Variants in SGCZ observed in about 807,000 individuals in gnomAD.
The protein encoded by SGCZ is zeta-sarcoglycan.
SGCZ carries 40 observed loss-of-function variants against 41.3 expected under a neutral mutation model. The ratio of observed to expected loss-of-function variants is 0.97; its 90% CI spans 0.75 to 1.26. The LOEUF is 1.26. Ranked by LOEUF, SGCZ falls within the 50% of genes most tolerant of loss-of-function variation. The pLI is 0.00. For synonymous variants in SGCZ, 206 were observed against 137.5 expected, an observed-to-expected ratio of 1.50 and a Z score of -3.49; for missense variants, 552 against 369.8, an observed-to-expected ratio of 1.49 and a Z score of -4.04.
intron 4 of SGCZ, among the ~76,000 whole-genome samples, chr8:14,182,250 CT>C (rs1232200820): frequency 6.6e-6 from 1 of 152,182 alleles, no homozygotes; most frequent in Non-Finnish European, 1.5e-5. Flanking sequence ...CATATGTCCA[CT>C]GATTGAACCC....
rs978210219 is a variant in SGCZ at position 14,644,499 on chromosome 8, T to A, written c.40-89573A>T. Among the ~76,000 whole-genome samples the A allele has an allele frequency of 1.2e-3, 179 of 151,958 alleles. 1 individual carries two copies. Among genetic ancestry groups the A allele is most frequent in the Non-Finnish European group, 1.0e-3 (71 of 67,864 alleles). Reference sequence around the variant, plus strand: ...CAGTCTTTACAGTTGTGCCAGCCAATTTTTAAAAAATTTATCTTTGTCTCT... The same window carrying A: ...CAGTCTTTACAGTTGTGCCAGCCAAATTTTAAAAAATTTATCTTTGTCTCT... On this transcript the variant is annotated intron_variant, in intron 1 of 7. Transcript: ENST00000382080.
chr8:15,158,832 T>C (rs1211613818), intron 1 of SGCZ, among the ~76,000 whole-genome samples: 1 of 152,164 alleles, frequency 6.6e-6, no homozygotes, highest in Non-Finnish European at 1.5e-5. Context: ...GGGAGAAAGA[T>C]CCTAGAAATA....
At position 15,227,612 on chromosome 8, in the gene SGCZ, G is replaced by A. The variant is rs113878931; in HGVS notation, c.39+9973C>T. The stretch of plus-strand genomic sequence containing the variant: ...TTTCTCTTTCAAGCTATAAACTGCT[G>A]TTAACATTCTCAAATTGTAGTTGAT... On this transcript the variant is annotated intron_variant, in intron 1 of 7. Coordinates refer to ENST00000382080, the MANE Select transcript of SGCZ (RefSeq NM_139167.4). Among the ~76,000 whole-genome samples the A allele has an allele frequency of 3.7e-3, 561 of 152,266 alleles. 1 individual carries two copies. Among genetic ancestry groups the A allele is most frequent in the African/African-American group, 0.012 (510 of 41,558 alleles).
At chr8:14,894,368 A>C (rs930273300) in intron 1 of SGCZ, among the ~76,000 whole-genome samples, 3 of 152,198 alleles carry the variant, frequency 2.0e-5, no homozygotes, top group African/African-American at 7.2e-5. Context: ...ATTTATTTCC[A>C]CTGGGCAAAG....
chr8:14,534,942 A>T (rs973854497), intron 2 of SGCZ, among the ~76,000 whole-genome samples: 6 of 151,990 alleles, frequency 3.9e-5, no homozygotes, highest in African/African-American at 1.4e-4. Flanking sequence ...TCACACTTAA[A>T]GTTAAATCGA....
In SGCZ at chr8:14,495,807, C is replaced by G. The variant is rs191931027; in HGVS notation, c.234+58925G>C. Reference sequence around the variant, plus strand: ...TTTTTGAAAAACTGTATTTTTGAAGCCATCCAAAAGCTATGGGCCTAAAGT... The same window carrying G: ...TTTTTGAAAAACTGTATTTTTGAAGGCATCCAAAAGCTATGGGCCTAAAGT... On this transcript the variant is annotated intron_variant, in intron 2 of 7. Coordinates refer to ENST00000382080, the MANE Select transcript of SGCZ (RefSeq NM_139167.4). 6.0e-4 allele frequency among the ~76,000 whole-genome samples: 91 copies of G among 152,140 alleles called. 2 individuals carry two copies. The highest frequency in any genetic ancestry group is 5.9e-5 in the Non-Finnish European group (4 of 68,010).
intron 1 of SGCZ, among the ~76,000 whole-genome samples, chr8:15,187,294 T>C (rs187497484): frequency 2.0e-5 from 3 of 152,252 alleles, no homozygotes; most frequent in Non-Finnish European, 4.4e-5. Context: ...GGTTATATAA[T>C]TCAAACGAAG....
chr8:14,604,084 C>G (rs544785156), intron 1 of SGCZ, among the ~76,000 whole-genome samples: 1 of 152,056 alleles, frequency 6.6e-6, no homozygotes, highest in Non-Finnish European at 1.5e-5. Context: ...TCTATTGTGA[C>G]TGTTTATATA....
At chr8:15,123,536 G>C (rs1277432072) in intron 1 of SGCZ, among the ~76,000 whole-genome samples, 1 of 152,166 alleles carries the variant, frequency 6.6e-6, no homozygotes, top group Non-Finnish European at 1.5e-5. Context: ...AGGAAATGGA[G>C]ATAGGTTCAG....
Position 14,087,503 on chromosome 8 carries a change from G to A in SGCZ, c.*2940C>T, listed in dbSNP as rs1471225495. Among the ~76,000 whole-genome samples the A allele has an allele frequency of 6.6e-6, 1 of 151,516 alleles. No individual in the cohort carries two copies. Among genetic ancestry groups the A allele is most frequent in the Admixed American group, 6.6e-5 (1 of 15,146 alleles). ...CGTTTGTTCCTTCCTGGCGTACACT[G>A]AGTATGAAGTTATTAAGATACGGGT... On this transcript the variant is annotated 3_prime_UTR_variant, in exon 8 of 8. Transcript: ENST00000382080.
At chr8:14,121,414 A>G (rs1366910155) in intron 5 of SGCZ, among the ~76,000 whole-genome samples, 3 of 152,170 alleles carry the variant, frequency 2.0e-5, no homozygotes, top group African/African-American at 7.2e-5. Flanking sequence ...TATAAAAACA[A>G]TATTTGCACT....
In SGCZ at chr8:14,493,359, CTTTTTTTTT is replaced by C. The variant is rs57898016; in HGVS notation, c.234+61364_234+61372del. Among the ~76,000 whole-genome samples the C allele has an allele frequency of 3.4e-4, 15 of 44,280 alleles. 2 individuals carry two copies. Among genetic ancestry groups the C allele is most frequent in the South Asian group, 1.3e-3 (1 of 762 alleles). 29.0% of individuals were successfully genotyped at this position (44,280 alleles called of 152,430 possible). ...CATACTTTTCCCACTATCATCCTTT[CTTTTTTTTT>C]TTTTTTTTTTTTTTTTTTTGATGGA... On this transcript the variant is annotated intron_variant, in intron 2 of 7. Coordinates refer to ENST00000382080, the MANE Select transcript of SGCZ (RefSeq NM_139167.4).
chr8:14,946,432 G>T (rs557869208), intron 1 of SGCZ, among the ~76,000 whole-genome samples: 1 of 152,108 alleles, frequency 6.6e-6, no homozygotes, highest in South Asian at 2.1e-4. Context: ...AATAGCAGCA[G>T]GGTGGTTTTT....
chr8:15,093,212 T>C (rs1806216015), intron 1 of SGCZ, among the ~76,000 whole-genome samples: 1 of 152,204 alleles, frequency 6.6e-6, no homozygotes, highest in Non-Finnish European at 1.5e-5. Flanking sequence ...AGAACATTTG[T>C]ATAGATTTTA....
At position 14,086,260 on chromosome 8, in the gene SGCZ, G is replaced by C. The variant is rs150063887; in HGVS notation, c.*4183C>G. The stretch of plus-strand genomic sequence containing the variant: ...AATTTGGCTATTAAATACTTTCAAT[G>C]ATTTTAATAATTTAACATTATTATG... On this transcript the variant is annotated 3_prime_UTR_variant, in exon 8 of 8. Coordinates refer to ENST00000382080, the MANE Select transcript of SGCZ (RefSeq NM_139167.4). Among the ~76,000 whole-genome samples the C allele has an allele frequency of 1.1e-3, 171 of 151,720 alleles. 1 individual carries two copies. Among genetic ancestry groups the C allele is most frequent in the African/African-American group, 4.1e-3 (170 of 41,490 alleles).
intron 1 of SGCZ, among the ~76,000 whole-genome samples, chr8:14,571,855 A>G (rs1804564504): frequency 6.6e-6 from 1 of 152,198 alleles, no homozygotes; most frequent in Admixed American, 6.5e-5. Flanking sequence ...TTCTGAGACT[A>G]ACTAAAGTAC....
At chr8:14,816,298 G>C (rs1468405439) in intron 1 of SGCZ, among the ~76,000 whole-genome samples, 3 of 152,182 alleles carry the variant, frequency 2.0e-5, no homozygotes, top group Non-Finnish European at 4.4e-5. Flanking sequence ...TCTATGCTCT[G>C]ATGAGGCTGG....
intron 1 of SGCZ, among the ~76,000 whole-genome samples, chr8:14,770,260 G>T (rs182478874): frequency 1.1e-4 from 17 of 151,672 alleles, no homozygotes; most frequent in African/African-American, 4.1e-4. Flanking sequence ...GACTAGTAGT[G>T]CCAAGACAGA....
intron 1 of SGCZ, among the ~76,000 whole-genome samples, chr8:15,043,468 T>C (rs1390322100): frequency 6.6e-6 from 1 of 152,162 alleles, no homozygotes; most frequent in Non-Finnish European, 1.5e-5. Flanking sequence ...TGTTTTTGGA[T>C]ATATACTTAA....
Sources: gnomAD v4.1 joint callset for allele counts (sites outside exome capture counted in the v4.1 genomes callset) on GRCh38, gnomAD v4.1.1 for gene constraint, MANE v1.5 for transcripts, NCBI Gene and HGNC (gene_info 2026-07-23, HGNC 2026-07-21) for gene names.